Variants in UCN3 observed in about 807,000 individuals in gnomAD.
UCN3 encodes urocortin 3, also known as urocortin-3.
UCN3 carries 3 observed loss-of-function variants against 3.6 expected under a neutral mutation model. The ratio of observed to expected loss-of-function variants is 0.83; its 90% CI spans 0.38 to 2.15. The LOEUF is 2.15. UCN3 is among the 30% of genes most tolerant of loss of function. The pLI, the probability that UCN3 is intolerant of heterozygous loss-of-function variation, is 0.06. For synonymous variants in UCN3, 100 were observed against 93.2 expected (o/e 1.07, Z -0.42); for missense variants, 206 against 208.3 (o/e 0.99, Z 0.07).
At position 5,370,176 on chromosome 10, in the gene UCN3, TATGC is replaced by T. The variant is rs1414072736; in HGVS notation, c.-6-3538_-6-3535del. Among the ~76,000 whole-genome samples, 3 of 97,586 alleles carry T rather than the reference TATGC, an allele frequency of 3.1e-5. 1 individual carries two copies. The highest frequency in any genetic ancestry group is 5.8e-5 in the Non-Finnish European group (3 of 51,516). The allele number at this position is 97,586 out of a possible 152,430, so 64.0% of individuals were successfully genotyped here. A position where few individuals can be genotyped will look rare whatever the true frequency, so the allele number is the denominator to read the frequency against. On this transcript the variant is annotated intron_variant, in intron 1 of 1. Transcript: ENST00000380433. ...ATATGTGTGTGTATATGTGTGTGTA[TATGC>T]GTGTGTATATGCGTGTGTATATGCG...
At position 5,366,580 on chromosome 10, in the gene UCN3, A is replaced by G. The variant is rs1834119974; in HGVS notation, c.-7+1350A>G. On this transcript the variant is annotated intron_variant, in intron 1 of 1. Coordinates refer to ENST00000380433, the MANE Select transcript of UCN3 (RefSeq NM_053049.4). This position sits in a 1 kb window ranked among gnomAD's most constrained non-coding sequence, Gnocchi z 4.2. ...CTATAAACCCTAAACAAATCTAAAC[A>G]GATCCTAAAAAGAAAAGTCCTGGAA... Among the ~76,000 whole-genome samples the G allele has an allele frequency of 1.3e-5, 2 of 152,224 alleles. No homozygotes were observed. Among genetic ancestry groups the G allele is most frequent in the South Asian group, 4.1e-4 (2 of 4,832 alleles).
At chr10:5,373,025 T>C (rs78924289) in intron 1 of UCN3, among the ~76,000 whole-genome samples, 12 of 152,222 alleles carry the variant, frequency 7.9e-5, no homozygotes, top group Non-Finnish European at 1.2e-4. Context: ...AGTGTTGGCA[T>C]TGAGGTCCTG....
intron 1 of UCN3, among the ~76,000 whole-genome samples, chr10:5,369,432 C>T (rs926501008): frequency 2.0e-5 from 3 of 152,242 alleles, no homozygotes; most frequent in Admixed American, 1.3e-4. Flanking sequence ...GAATCCTTCA[C>T]TTAACCTTCA....
At chr10:5,370,129 G>A (rs138644395) in intron 1 of UCN3, among the ~76,000 whole-genome samples, 3 of 71,870 alleles carry the variant, frequency 4.2e-5, no homozygotes, top group Non-Finnish European at 7.6e-5. Flanking sequence ...GTATGTGTGT[G>A]TATGTGTGTG....
chr10:5,367,163 T>A lies in UCN3; in HGVS notation c.-7+1933T>A, dbSNP rs1834125654. ...ACAGGTAGCACTTCCAGGGAACACA[T>A]CCAGAGGCTAGCCCATTGCAAGGGA... On this transcript the variant is annotated intron_variant, in intron 1 of 1. Coordinates refer to ENST00000380433, the MANE Select transcript of UCN3 (RefSeq NM_053049.4). This position sits in a 1 kb window ranked among gnomAD's most constrained non-coding sequence, Gnocchi z 4.3. 6.6e-6 allele frequency among the ~76,000 whole-genome samples: 1 copy of A among 152,160 alleles called. No homozygotes were observed.
rs999476766 is a variant in UCN3 at position 5,369,972 on chromosome 10, T to A, written c.-6-3743T>A. Among the ~76,000 whole-genome samples, 16 of 140,154 alleles carry A rather than the reference T, an allele frequency of 1.1e-4. 2 individuals are homozygous for A. The highest frequency in any genetic ancestry group is 9.8e-4 in the Admixed American group (14 of 14,312). 91.9% of individuals were successfully genotyped at this position (140,154 alleles called of 152,430 possible). A position where few individuals can be genotyped will look rare whatever the true frequency, so the allele number is the denominator to read the frequency against. ...GTATATGTGTGTGTATATGCGTGTG[T>A]ATATGCGTGTGTATATGTGTGTATG... is the stretch of plus-strand genomic sequence containing the variant. On this transcript the variant is annotated intron_variant, in intron 1 of 1. Transcript: ENST00000380433.
At chr10:5,370,131 A>G (rs1241469381) in intron 1 of UCN3, among the ~76,000 whole-genome samples, 40 of 26,854 alleles carry the variant, frequency 1.5e-3, no homozygotes, top group South Asian at 2.2e-3. Context: ...ATGTGTGTGT[A>G]TGTGTGTGTA....
rs1026329175 is a variant in UCN3 at position 5,366,901 on chromosome 10, C to T, written c.-7+1671C>T. On this transcript the variant is annotated intron_variant, in intron 1 of 1. Transcript: ENST00000380433. This position sits in a 1 kb window ranked among gnomAD's most constrained non-coding sequence, Gnocchi z 4.2. The stretch of plus-strand genomic sequence containing the variant: ...CAGATGCACCAAGAACAGAGCGCCA[C>T]GCAGGACACTTGCTCCCTGACACTT... Among the ~76,000 whole-genome samples, 5 of 152,204 alleles carry T rather than the reference C, an allele frequency of 3.3e-5. No homozygotes were observed. The highest frequency in any genetic ancestry group is 2.1e-4 in the South Asian group (1 of 4,824).
At chr10:5,369,997 GTGTGTGTGTA>G (rs879995996) in intron 1 of UCN3, among the ~76,000 whole-genome samples, 12,209 of 44,440 alleles carry the variant, frequency 0.27, 3,444 homozygotes, top group African/African-American at 0.47. Context: ...ATGTGTGTAT[GTGTGTGTGTA>G]TGTGTGTGTA....
In UCN3 at chr10:5,367,408, G is replaced by T. The variant is rs1834127690; in HGVS notation, c.-7+2178G>T. 6.6e-6 allele frequency among the ~76,000 whole-genome samples: 1 copy of T among 152,184 alleles called. No homozygotes were observed. Among genetic ancestry groups the T allele is most frequent in the African/African-American group, 2.4e-5 (1 of 41,448 alleles). On this transcript the variant is annotated intron_variant, in intron 1 of 1. Transcript: ENST00000380433. The surrounding 1 kb of genome is among the most constrained non-coding windows in gnomAD (Gnocchi z 4.3). The stretch of plus-strand genomic sequence containing the variant: ...TGTACATCCATGAAAGAATTTAAAA[G>T]AGGTTGTTTTGCTTTGGAAAATAAA...
At chr10:5,373,619 G>A in intron 1 of UCN3, 96 bp from the exon 2 acceptor site, 5 of 1,514,756 alleles carry the variant, frequency 3.3e-6, no homozygotes, top group Non-Finnish European at 4.4e-6. Context: ...CCCTTGTAGT[G>A]GAACATTAAC....
chr10:5,374,259 A>T lies in UCN3; in HGVS notation c.*53A>T. ...GGGTGGGGAGGGGGAGGGGAGGGGG[A>T]GGGGAGGGCGAGGGGGGGAGGGGAG... On this transcript the variant is annotated 3_prime_UTR_variant, in exon 2 of 2. Transcript: ENST00000380433. 1.0e-4 allele frequency: 1 copy of T among 9,672 alleles called. No homozygotes were observed. The allele number at this position is 9,672 out of a possible 1,614,324, so 0.6% of individuals were successfully genotyped here. A position where few individuals can be genotyped will look rare whatever the true frequency, so the allele number is the denominator to read the frequency against.
intron 1 of UCN3, among the ~76,000 whole-genome samples, chr10:5,370,756 T>G (rs1394453103): frequency 1.5e-5 from 2 of 137,910 alleles, no homozygotes; most frequent in Non-Finnish European, 3.1e-5. Flanking sequence ...ATATGATGTG[T>G]GTGTATATGC....
Position 5,373,685 on chromosome 10 carries a change from C to G in UCN3, c.-6-30C>G, listed in dbSNP as rs1162199590. 3 of 1,604,652 alleles carry G rather than the reference C, an allele frequency of 1.9e-6. No homozygotes were observed. In the East Asian group the frequency reaches 6.7e-5, roughly 36 times the overall value. On this transcript the variant is annotated intron_variant, in intron 1 of 1. Coordinates refer to ENST00000380433, the MANE Select transcript of UCN3 (RefSeq NM_053049.4). ...CCAGAGCACCACGCCCCTCCCATGCCCCTGCCCACATCCCTCTTTTCTGCT... is the reference window on the plus strand; with the variant it reads ...CCAGAGCACCACGCCCCTCCCATGCGCCTGCCCACATCCCTCTTTTCTGCT...
At chr10:5,370,399 G>GTGTGTGTA (rs1831361143) in intron 1 of UCN3, among the ~76,000 whole-genome samples, 1 of 96,992 alleles carries the variant, frequency 1.0e-5, no homozygotes, top group Non-Finnish European at 2.0e-5. Context: ...GTGTGTATAT[G>GTGTGTGTA]TGTGTGTATA....
At chr10:5,369,966 C>CGTGTGTATATGT (rs1564442148) in intron 1 of UCN3, among the ~76,000 whole-genome samples, 3 of 18,146 alleles carry the variant, frequency 1.7e-4, no homozygotes, top group African/African-American at 8.3e-4. Context: ...TGTGTATATG[C>CGTGTGTATATGT]GTGTGTATAT....
intron 1 of UCN3, 135 bp from the exon 2 acceptor site, chr10:5,373,577 ATGC>A: frequency 7.3e-7 from 1 of 1,371,850 alleles, no homozygotes; most frequent in East Asian, 2.3e-5. Context: ...GCCCGGGCTG[ATGC>A]TGCTGGTCTG....
At chr10:5,371,535 G>A (rs948494106) in intron 1 of UCN3, among the ~76,000 whole-genome samples, 1 of 152,094 alleles carries the variant, frequency 6.6e-6, no homozygotes, top group Non-Finnish European at 1.5e-5. Context: ...AAGGGTCAGC[G>A]CTGGTTCTGT....
chr10:5,370,803 A>G lies in UCN3; in HGVS notation c.-6-2912A>G, dbSNP rs1269611621. Among the ~76,000 whole-genome samples, 812 of 102,702 alleles carry G rather than the reference A, an allele frequency of 7.9e-3. 53 individuals are homozygous for G. Among genetic ancestry groups the G allele is most frequent in the African/African-American group, 0.032 (699 of 21,918 alleles). 67.4% of individuals were successfully genotyped at this position (102,702 alleles called of 152,430 possible). On this transcript the variant is annotated intron_variant, in intron 1 of 1. Transcript: ENST00000380433. ...CGTGTGTGTGTGTATGCGTGTGTATATGTGTGTGTGCGTGTGTGTGCGCGC... is the reference window on the plus strand; with the variant it reads ...CGTGTGTGTGTGTATGCGTGTGTATGTGTGTGTGTGCGTGTGTGTGCGCGC...
Sources: gnomAD v4.1 joint callset for allele counts (sites outside exome capture counted in the v4.1 genomes callset) on GRCh38, gnomAD v4.1.1 for gene constraint, Gnocchi (gnomAD v3.1) non-coding constraint, MANE v1.5 for transcripts, NCBI Gene and HGNC (gene_info 2026-07-23, HGNC 2026-07-21) for gene names.